LTBP3: variants seen among roughly 807,000 people sequenced by gnomAD.
LTBP3 encodes the protein latent-transforming growth factor beta-binding protein 3.
Under a neutral mutation model 159.7 loss-of-function variants are expected in LTBP3, and 97 were observed. That is an observed-to-expected ratio of 0.61 (90% CI 0.52 to 0.72). The LOEUF is 0.72. Among genes scored for constraint, LTBP3 ranks in the 30% least tolerant of loss-of-function variants. The pLI is 0.00. For synonymous variants in LTBP3, 824 were observed against 777.1 expected, an observed-to-expected ratio of 1.06 and a Z score of -1.00; for missense variants, 1,584 against 1,864.3, an observed-to-expected ratio of 0.85 and a Z score of 2.77.
intron 11 of LTBP3, 91 bp from the exon 12 acceptor site, chr11:65,548,136 T>G (rs975489170): frequency 3.8e-6 from 6 of 1,582,284 alleles, no homozygotes; most frequent in Non-Finnish European, 5.2e-6. Context: ...AGTCACACCA[T>G]GACCTCAGGT....
At chr11:65,548,069 G>A (rs376512200) in intron 11 of LTBP3, 24 bp from the exon 12 acceptor site, 144 of 1,613,342 alleles carry the variant, frequency 8.9e-5, no homozygotes, top group African/African-American at 1.7e-4. Context: ...CAGGTCAAGC[G>A]GCAGAGCAGG....
chr11:65,545,386 C>T (rs1856320007), intron 16 of LTBP3: 1 of 226,768 alleles, frequency 4.4e-6, no homozygotes, highest in Non-Finnish European at 8.8e-6. Flanking sequence ...GGTATGCTGG[C>T]ATCTCCTGCT....
chr11:65,539,167 G>A lies in LTBP3; in HGVS notation c.3825C>T (p.Asn1275=). 1 of 1,507,788 alleles carries A rather than the reference G, an allele frequency of 6.6e-7. No individual in the cohort carries two copies. The highest frequency in any genetic ancestry group is 8.9e-7 in the Non-Finnish European group (1 of 1,123,792). The allele number at this position is 1,507,788 out of a possible 1,614,324, so 93.4% of individuals were successfully genotyped here. A position where few individuals can be genotyped will look rare whatever the true frequency, so the allele number is the denominator to read the frequency against. Reference sequence around the variant, plus strand: ...AGACGCAGCGGAAGGAGCCGCTGGTGTTCACGCAGCGCTCGCTCTTGCACA... The same window carrying A: ...AGACGCAGCGGAAGGAGCCGCTGGTATTCACGCAGCGCTCGCTCTTGCACA... The part of the protein sequence containing the change: ...GLLCKSERCV[N]TSGSFRCVCK... The change falls in exon 28 of 28, where the codon AAC becomes AAT. Residue 1275 remains asparagine, a synonymous_variant. Transcript: ENST00000301873.
chr11:65,539,230 A>G lies in LTBP3; in HGVS notation c.3762T>C (p.Asp1254=). ...QLDASRARCV[D]IDECRELNQR... is the part of the protein sequence containing the mutation. ...GGTTCAGCTCTCGGCACTCGTCGAT[A>G]TCTGAAGGTGAGGGCGACAGGTGCG... is the stretch of plus-strand genomic sequence containing the variant. Residue 1254 remains aspartate, a splice_region_variant and synonymous_variant, in exon 28 of 28, where the codon GAT becomes GAC. Coordinates refer to ENST00000301873, the MANE Select transcript of LTBP3 (RefSeq NM_001130144.3). The G allele has an allele frequency of 6.6e-7, 1 of 1,526,472 alleles. No homozygotes were observed. Among genetic ancestry groups the G allele is most frequent in the African/African-American group, 1.4e-5 (1 of 71,562 alleles). The allele number at this position is 1,526,472 out of a possible 1,614,324, so 94.6% of individuals were successfully genotyped here. A position where few individuals can be genotyped will look rare whatever the true frequency, so the allele number is the denominator to read the frequency against.
Position 65,541,116 on chromosome 11 carries a change from G to T in LTBP3, c.2893+10C>A, listed in dbSNP as rs765058847. 1.2e-6 allele frequency: 2 copies of T among 1,611,528 alleles called. No individual in the cohort carries two copies. Among genetic ancestry groups the T allele is most frequent in the Non-Finnish European group, 1.7e-6 (2 of 1,179,110 alleles). ...TGAAGATCTGGGAAGGGGCCTGCCC[G>T]GCTCCTGACCTGAGCTGTAGACTGG... On this transcript the variant is annotated intron_variant, in intron 20 of 27. Transcript: ENST00000301873.
Position 65,538,645 on chromosome 11 carries a change from CG to C in LTBP3, c.*434del. On this transcript the variant is annotated 3_prime_UTR_variant, in exon 28 of 28. Transcript: ENST00000301873. Reference sequence around the variant, plus strand: ...ATTGTACAAACCATGTGAGCCCGGCCGGCCCAGCCAGGCCATCTCACGTGTA... The same window carrying C: ...ATTGTACAAACCATGTGAGCCCGGCCGCCCAGCCAGGCCATCTCACGTGTA... 6.7e-7 allele frequency: 1 copy of C among 1,488,078 alleles called. No individual in the cohort carries two copies. The highest frequency in any genetic ancestry group is 2.0e-5 in the Admixed American group (1 of 48,896). 92.2% of individuals were successfully genotyped at this position (1,488,078 alleles called of 1,614,324 possible).
Position 65,553,887 on chromosome 11 carries a change from GGGGGGCGGGGCCTGCACT to G in LTBP3, c.662-2_677del. On this transcript the variant is annotated splice_acceptor_variant and coding_sequence_variant, in exon 3 of 28. Transcript: ENST00000301873. LOFTEE classifies it high-confidence loss of function. This position sits in a 1 kb window ranked among gnomAD's most constrained non-coding sequence, Gnocchi z 6.5. ...GGTGATGGACGCGCACATTCACCAC[GGGGGGCGGGGCCTGCACT>G]GGGGGCGGGCGCGGTGGCCTCAGGG... 1 of 1,550,684 alleles carries G rather than the reference GGGGGGCGGGGCCTGCACT, an allele frequency of 6.4e-7. No homozygotes were observed. The highest frequency in any genetic ancestry group is 8.7e-7 in the Non-Finnish European group (1 of 1,154,098).
Position 65,547,799 on chromosome 11 carries a change from C to G in LTBP3, c.1869G>C (p.Glu623Asp), listed in dbSNP as rs1856440543. 1 of 1,613,240 alleles carries G rather than the reference C, an allele frequency of 6.2e-7. No homozygotes were observed. Among genetic ancestry groups the G allele is most frequent in the African/African-American group, 1.3e-5 (1 of 75,020 alleles). Residue 623 changes from glutamate to aspartate, a missense_variant, in exon 13 of 28, where the codon GAG becomes GAC. Physicochemically the swap from Glu to Asp is conservative, Grantham distance 45. This residue lies in a region of LTBP3 where 565 missense variants were observed against 677.7 expected (regional missense o/e 0.83). Coordinates refer to ENST00000301873, the MANE Select transcript of LTBP3 (RefSeq NM_001130144.3). The surrounding 1 kb of genome is among the most constrained non-coding windows in gnomAD (Gnocchi z 4.6). ...AGATGCCCCTCCCCGGGCCACAGGGCTCTGCCTCGCACTCGTTCACATCTG... is the reference window on the plus strand; with the variant it reads ...AGATGCCCCTCCCCGGGCCACAGGGGTCTGCCTCGCACTCGTTCACATCTG... ...YCVDVNECEA[E>D]PCGPGRGICM...
At chr11:65,543,354 G>A in intron 17 of LTBP3, 73 bp downstream of exon 17, 1 of 1,611,840 alleles carries the variant, frequency 6.2e-7, no homozygotes, top group Non-Finnish European at 8.5e-7. Context: ...TCTGGATTAG[G>A]ACTGGACCCT....
At position 65,554,586 on chromosome 11, in the gene LTBP3, G is replaced by A. The variant is rs1044997763; in HGVS notation, c.332-206C>T. ...TCTCAAGTCCAGGATTTAAATCCTC[G>A]CTAAGCCATGTGCCAGCTGTGCGAC... On this transcript the variant is annotated intron_variant, in intron 1 of 27. Transcript: ENST00000301873. The surrounding 1 kb of genome is among the most constrained non-coding windows in gnomAD (Gnocchi z 5.3). Among the ~76,000 whole-genome samples, 1 of 151,938 alleles carries A rather than the reference G, an allele frequency of 6.6e-6. No homozygotes were observed. Among genetic ancestry groups the A allele is most frequent in the East Asian group, 1.9e-4 (1 of 5,188 alleles).
chr11:65,546,479 C>T lies in LTBP3; in HGVS notation c.2316G>A (p.Gln772=), dbSNP rs201219596. The T allele has an allele frequency of 6.3e-7, 1 of 1,592,660 alleles. No homozygotes were observed. Among genetic ancestry groups the T allele is most frequent in the Non-Finnish European group, 8.5e-7 (1 of 1,176,762 alleles). ...GGCCGTCGGGCGCGGGCGCGTAGCC[C>T]TGGGCACAGGTGCAGCGGAAGGAGC... ...LPGSFRCTCA[Q]GYAPAPDGRS... The change falls in exon 16 of 28, where the codon CAG becomes CAA. Residue 772 remains glutamine (Q), a synonymous_variant. Transcript: ENST00000301873. This position sits in a 1 kb window ranked among gnomAD's most constrained non-coding sequence, Gnocchi z 4.0.
At chr11:65,550,886 C>G (rs1203595607) in intron 11 of LTBP3, among the ~76,000 whole-genome samples, 5 of 152,148 alleles carry the variant, frequency 3.3e-5, no homozygotes. Context: ...TTCTAAAAGA[C>G]CTGTAACACT....
Position 65,540,323 on chromosome 11 carries a change from C to T in LTBP3, c.3166G>A (p.Gly1056Ser). Reference protein sequence around the residue: ...CRNGVCENTRGGYRCACTPPA... With the variant: ...CRNGVCENTRSGYRCACTPPA... Reference sequence around the variant, plus strand: ...GGCGTGCAGGCACAGCGGTAGCCGCCGCGCGTGTTCTCACACACTCCGTTC... The same window carrying T: ...GGCGTGCAGGCACAGCGGTAGCCGCTGCGCGTGTTCTCACACACTCCGTTC... Residue 1056 changes from glycine (G) to serine (S), a missense_variant, in exon 23 of 28, where the codon GGC becomes AGC. By Grantham distance (56) the Gly-to-Ser change is moderately conservative. Around this residue, in one of 6 missense-constraint regions of LTBP3, gnomAD observed 514 missense variants for 530.3 expected, o/e 0.97. Coordinates refer to ENST00000301873, the MANE Select transcript of LTBP3 (RefSeq NM_001130144.3). 2 of 1,575,170 alleles carry T rather than the reference C, an allele frequency of 1.3e-6. No individual in the cohort carries two copies. Among genetic ancestry groups the T allele is most frequent in the Non-Finnish European group, 8.6e-7 (1 of 1,161,324 alleles).
Position 65,539,542 on chromosome 11 carries a change from A to G in LTBP3, c.3628+6T>C, listed in dbSNP as rs1314187943. On this transcript the variant is annotated splice_donor_region_variant and intron_variant, in intron 26 of 27. Coordinates refer to ENST00000301873, the MANE Select transcript of LTBP3 (RefSeq NM_001130144.3). Reference sequence around the variant, plus strand: ...CCCCGCCACCGCCCGACCCGGCAGCACTCACCTCTTGGGGGCTTCCCCAAC... The same window carrying G: ...CCCCGCCACCGCCCGACCCGGCAGCGCTCACCTCTTGGGGGCTTCCCCAAC... The G allele has an allele frequency of 4.3e-6, 7 of 1,612,090 alleles. No individual in the cohort carries two copies. The highest frequency in any genetic ancestry group is 1.1e-5 in the South Asian group (1 of 90,822).
At position 65,538,919 on chromosome 11, in the gene LTBP3, G is replaced by T; in HGVS notation, c.*161C>A. 7.9e-7 allele frequency: 1 copy of T among 1,268,972 alleles called. No individual in the cohort carries two copies. The highest frequency in any genetic ancestry group is 1.0e-6 in the Non-Finnish European group (1 of 992,102). The allele number at this position is 1,268,972 out of a possible 1,614,324, so 78.6% of individuals were successfully genotyped here. A position where few individuals can be genotyped will look rare whatever the true frequency, so the allele number is the denominator to read the frequency against. ...CTTACAACCGCCCGCTAACCGGGGA[G>T]GGGGGCCGGTAGGGGCGCCTCGGGT... On this transcript the variant is annotated 3_prime_UTR_variant, in exon 28 of 28. Transcript: ENST00000301873.
At position 65,546,993 on chromosome 11, in the gene LTBP3, A is replaced by C; in HGVS notation, c.2108-73T>G. 1 of 1,592,846 alleles carries C rather than the reference A, an allele frequency of 6.3e-7. No homozygotes were observed. Among genetic ancestry groups the C allele is most frequent in the Non-Finnish European group, 8.5e-7 (1 of 1,172,628 alleles). On this transcript the variant is annotated intron_variant, in intron 14 of 27. Coordinates refer to ENST00000301873, the MANE Select transcript of LTBP3 (RefSeq NM_001130144.3). This position sits in a 1 kb window ranked among gnomAD's most constrained non-coding sequence, Gnocchi z 4.0. ...TGGCCCGGCTCCCAGCGTCCACAGC[A>C]GGGACTTCCTCCCACACAGATCAAC...
chr11:65,539,960 G>C, intron 24 of LTBP3, 53 bp downstream of exon 24: 4 of 1,456,674 alleles, frequency 2.7e-6, no homozygotes, highest in Non-Finnish European at 3.6e-6. Context: ...CTGCGCGGGG[G>C]CCACGTGACG....
At chr11:65,540,715 A>ACAGGAGGGGCGGGGCCTT in intron 21 of LTBP3, 101 bp from the exon 22 acceptor site, 5 of 1,511,108 alleles carry the variant, frequency 3.3e-6, no homozygotes, top group Non-Finnish European at 3.6e-6. Context: ...GGCGGGGCCT[A>ACAGGAGGGGCGGGGCCTT]CAGGAGGGGC....
intron 21 of LTBP3, 106 bp from the exon 22 acceptor site, chr11:65,540,720 A>AGGGGCGGGGCCTAC (rs1856086056): frequency 7.2e-7 from 1 of 1,380,810 alleles, no homozygotes; most frequent in Non-Finnish European, 1.0e-6. Flanking sequence ...GGCCTACAGG[A>AGGGGCGGGGCCTAC]GGGGCGGGGC....
Sources: allele counts gnomAD v4.1 joint callset (sites outside exome capture counted in the v4.1 genomes callset), GRCh38; gene constraint gnomAD v4.1.1; regional missense constraint gnomAD v4.1.1; non-coding constraint Gnocchi (gnomAD v3.1); transcripts MANE v1.5; gene names NCBI Gene and HGNC (gene_info 2026-07-23, HGNC 2026-07-21).